The following CES3 variants were observed in gnomAD, a reference collection of about 807,000 sequenced individuals.
CES3 encodes the protein carboxylesterase 3 (brain).
In CES3, 49 loss-of-function variants were observed where a neutral mutation model predicts 57.6. The ratio of observed to expected loss-of-function variants is 0.85; its 90% CI spans 0.68 to 1.08. The LOEUF (loss-of-function observed/expected upper bound fraction) is 1.08, where lower values mean the gene tolerates loss of function less well. Ranked by LOEUF, CES3 falls within the 50% of genes least tolerant of loss-of-function variation. CES3 has a pLI of 0.00. For missense variants in CES3, 645 were observed against 742.0 expected (o/e 0.87, Z 1.52); for synonymous variants, 266 against 281.6 (o/e 0.94, Z 0.55).
chr16:66,973,063 C>A lies in CES3; in HGVS notation c.*14C>A. 1 of 1,608,622 alleles carries A rather than the reference C, an allele frequency of 6.2e-7. No individual in the cohort carries two copies. The highest frequency in any genetic ancestry group is 1.1e-5 in the South Asian group (1 of 90,936). On this transcript the variant is annotated 3_prime_UTR_variant, in exon 13 of 13. Transcript: ENST00000303334. Reference sequence around the variant, plus strand: ...GAGGACCTCTGAGGCCAGGCCTGAACCTTCTTGGCTGGGGCAAACCACTCT... The same window carrying A: ...GAGGACCTCTGAGGCCAGGCCTGAAACTTCTTGGCTGGGGCAAACCACTCT...
At position 66,963,374 on chromosome 16, in the gene CES3, C is replaced by T. The variant is rs763361117; in HGVS notation, c.278C>T (p.Ala93Val). 21 of 1,612,830 alleles carry T rather than the reference C, an allele frequency of 1.3e-5. No individual in the cohort carries two copies. The highest frequency in any genetic ancestry group is 5.5e-5 in the South Asian group (5 of 91,080). The change falls in exon 2 of 13, where the codon GCG becomes GTG. Residue 93 changes from alanine to valine, a missense_variant. Coordinates refer to ENST00000303334, the MANE Select transcript of CES3 (RefSeq NM_024922.6). This position sits in a 1 kb window ranked among gnomAD's most constrained non-coding sequence, Gnocchi z 4.9. ...PWEGVRDAST[A>V]PPMCLQDVES... is the part of the protein sequence containing the mutation. ...GAGGGTGTGCGGGATGCCAGCACTG[C>T]GCCCCCAATGTGAGTAGTGCTGGTG...
intron 8 of CES3, among the ~76,000 whole-genome samples, chr16:66,968,503 G>A (rs963154877): frequency 5.3e-5 from 8 of 152,292 alleles, no homozygotes; most frequent in African/African-American, 1.4e-4. Flanking sequence ...GGCTAATAGC[G>A]CAGTGAATGT....
chr16:66,971,463 T>C (rs927166861), intron 10 of CES3, 144 bp downstream of exon 10: 1 of 765,020 alleles, frequency 1.3e-6, no homozygotes, highest in Non-Finnish European at 2.1e-6. Context: ...AACCTATCTT[T>C]CTCTGGGATG....
chr16:66,963,337 G>T lies in CES3; in HGVS notation c.241G>T (p.Ala81Ser), dbSNP rs747987345. Residue 81 changes from alanine to serine, a missense_variant, in exon 2 of 13, where the codon GCA becomes TCA. Ala to Ser is a moderately conservative substitution (Grantham distance 99). Coordinates refer to ENST00000303334, the MANE Select transcript of CES3 (RefSeq NM_024922.6). The surrounding 1 kb of genome is among the most constrained non-coding windows in gnomAD (Gnocchi z 4.9). ...TGACCGGTTCTCAGCCCCACACCCAGCACAGCCCTGGGAGGGTGTGCGGGA... is the reference window on the plus strand; with the variant it reads ...TGACCGGTTCTCAGCCCCACACCCATCACAGCCCTGGGAGGGTGTGCGGGA... The part of the protein sequence containing the change: ...GPDRFSAPHP[A>S]QPWEGVRDAS... 1.9e-6 allele frequency: 3 copies of T among 1,613,532 alleles called. No homozygotes were observed. In the Admixed American group the frequency reaches 5.0e-5, roughly 27 times the overall value.
chr16:66,964,731 T>G lies in CES3; in HGVS notation c.819+4T>G, dbSNP rs1224190760. The G allele has an allele frequency of 6.2e-7, 1 of 1,611,486 alleles. No individual in the cohort carries two copies. The highest frequency in any genetic ancestry group is 8.5e-7 in the Non-Finnish European group (1 of 1,177,916). On this transcript the variant is annotated splice_donor_region_variant and intron_variant, in intron 6 of 12. Transcript: ENST00000303334. ...TCACCCTTGGCCCCTAGCTCAGGTC[T>G]GTATTTCCTTCCCTCTCTTACTCTA...
intron 12 of CES3, 36 bp from the exon 13 acceptor site, chr16:66,972,818 A>C (rs746883331): frequency 6.2e-7 from 1 of 1,613,938 alleles, no homozygotes; most frequent in Non-Finnish European, 8.5e-7. Context: ...GGGACAGCAC[A>C]GGAAGCCTTG....
At position 66,963,892 on chromosome 16, in the gene CES3, G is replaced by C. The variant is rs373273879; in HGVS notation, c.517G>C (p.Val173Leu). 58 of 1,614,060 alleles carry C rather than the reference G, an allele frequency of 3.6e-5. No homozygotes were observed. The highest frequency in any genetic ancestry group is 4.9e-5 in the Non-Finnish European group (58 of 1,180,010). Residue 173 changes from valine to leucine, a missense_variant, in exon 4 of 13, where the codon GTG becomes CTG. Coordinates refer to ENST00000303334, the MANE Select transcript of CES3 (RefSeq NM_024922.6). The surrounding 1 kb of genome is among the most constrained non-coding windows in gnomAD (Gnocchi z 4.9). ...SALAAYGDVV[V>L]VTVQYRLGVL... ...TCTGGCTGCCTATGGGGATGTGGTCGTGGTTACAGTCCAGTACCGCCTTGG... is the reference window on the plus strand; with the variant it reads ...TCTGGCTGCCTATGGGGATGTGGTCCTGGTTACAGTCCAGTACCGCCTTGG...
chr16:66,972,712 A>G lies in CES3; in HGVS notation c.1486A>G (p.Met496Val). Reference protein sequence around the residue: ...TEEEKQLSLTMMAQWTHFART... With the variant: ...TEEEKQLSLTVMAQWTHFART... ...GGAGGAGAAGCAGCTAAGCCTCACC[A>G]TGATGGCCCAGTGGACCCACTTTGC... The change falls in exon 12 of 13, where the codon ATG becomes GTG. Residue 496 changes from methionine (M) to valine (V), a missense_variant. Coordinates refer to ENST00000303334, the MANE Select transcript of CES3 (RefSeq NM_024922.6). 3 of 1,614,206 alleles carry G rather than the reference A, an allele frequency of 1.9e-6. No individual in the cohort carries two copies. The highest frequency in any genetic ancestry group is 2.5e-6 in the Non-Finnish European group (3 of 1,180,028).
Position 66,964,397 on chromosome 16 carries a change from GA to G in CES3, c.602del (p.Asp201ValfsTer3). ...EHAPGNQGFL[D>X]VVAALRWVQE... The stretch of plus-strand genomic sequence containing the variant: ...TGCACCTGGCAACCAGGGCTTCCTA[GA>G]TGTGGTAGCTGCTTTGCGCTGGGTG... On this transcript the variant is annotated frameshift_variant, in exon 5 of 13. Transcript: ENST00000303334. LOFTEE classifies it high-confidence loss of function. The G allele has an allele frequency of 1.2e-6, 2 of 1,614,136 alleles. No individual in the cohort carries two copies. Among genetic ancestry groups the G allele is most frequent in the Non-Finnish European group, 1.7e-6 (2 of 1,180,004 alleles).
chr16:66,967,770 TTTG>T, intron 8 of CES3: 1 of 985,154 alleles, frequency 1.0e-6, no homozygotes, highest in Non-Finnish European at 1.2e-6. Flanking sequence ...TGTGTGTTTG[TTTG>T]TTTTTTGAGA....
chr16:66,963,103 C>T lies in CES3; in HGVS notation c.83-76C>T, dbSNP rs1254762028. The T allele has an allele frequency of 6.8e-7, 1 of 1,464,644 alleles. No homozygotes were observed. The highest frequency in any genetic ancestry group is 2.3e-5 in the East Asian group (1 of 43,942). 90.7% of individuals were successfully genotyped at this position (1,464,644 alleles called of 1,614,324 possible). Reference sequence around the variant, plus strand: ...CTGTGTGGTAAGTACTGAGAACAGCCTGAGGGTTTGTCTTTCACTCCTTCC... The same window carrying T: ...CTGTGTGGTAAGTACTGAGAACAGCTTGAGGGTTTGTCTTTCACTCCTTCC... On this transcript the variant is annotated intron_variant, in intron 1 of 12. Transcript: ENST00000303334. The surrounding 1 kb of genome is among the most constrained non-coding windows in gnomAD (Gnocchi z 4.9).
intron 8 of CES3, 50 bp from the exon 9 acceptor site, chr16:66,969,629 G>C: frequency 1.3e-6 from 2 of 1,562,918 alleles, no homozygotes; most frequent in South Asian, 2.3e-5. Flanking sequence ...CTGGGAGTCG[G>C]GGTGAGCCGG....
rs764754482 is a variant in CES3 at position 66,963,786 on chromosome 16, A to C, written c.427-16A>C. 1.2e-6 allele frequency: 2 copies of C among 1,610,498 alleles called. No homozygotes were observed. Among genetic ancestry groups the C allele is most frequent in the Non-Finnish European group, 1.7e-6 (2 of 1,176,946 alleles). ...TCAGGAGCTTGGGGGTCAGTGCCCC[A>C]TGGCCACCTCTGCAGGTCATGGTAT... is the stretch of plus-strand genomic sequence containing the variant. On this transcript the variant is annotated splice_polypyrimidine_tract_variant and intron_variant, in intron 3 of 12. Coordinates refer to ENST00000303334, the MANE Select transcript of CES3 (RefSeq NM_024922.6). This position sits in a 1 kb window ranked among gnomAD's most constrained non-coding sequence, Gnocchi z 4.9.
In CES3 at chr16:66,963,855, C is replaced by T. The variant is rs768902439; in HGVS notation, c.480C>T (p.Tyr160=). The T allele has an allele frequency of 4.2e-5, 67 of 1,614,056 alleles. No homozygotes were observed. Among genetic ancestry groups the T allele is most frequent in the South Asian group, 1.9e-4 (17 of 91,092 alleles). ...TGATAACTGGCGCTGCCACCTCCTA[C>T]GATGGATCAGCTCTGGCTGCCTATG... ...GALITGAATS[Y]DGSALAAYGD... is the part of the protein sequence containing the mutation. Residue 160 remains tyrosine (Y), a synonymous_variant, in exon 4 of 13, where the codon TAC becomes TAT. Coordinates refer to ENST00000303334, the MANE Select transcript of CES3 (RefSeq NM_024922.6). The surrounding 1 kb of genome is among the most constrained non-coding windows in gnomAD (Gnocchi z 4.9).
rs776592005 is a variant in CES3 at position 66,966,325 on chromosome 16, C to G, written c.901C>G (p.Leu301Val). 15 of 1,613,786 alleles carry G rather than the reference C, an allele frequency of 9.3e-6. No homozygotes were observed. Among genetic ancestry groups the G allele is most frequent in the Admixed American group, 1.7e-5 (1 of 60,016 alleles). Residue 301 changes from leucine to valine, a missense_variant, in exon 7 of 13, where the codon CTG becomes GTG. Leu to Val is a conservative substitution (Grantham distance 32, BLOSUM62 1). Transcript: ENST00000303334. ...CCTTCAGCAGAAAGAAGGAGAAGAG[C>G]TGGTCCTTAGCAAGAAGCTGGTATG... Reference protein sequence around the residue: ...QCLQQKEGEELVLSKKLKNTI... With the variant: ...QCLQQKEGEEVVLSKKLKNTI...
At position 66,966,772 on chromosome 16, in the gene CES3, A is replaced by G; in HGVS notation, c.969A>G (p.Lys323=). 2.5e-6 allele frequency: 4 copies of G among 1,614,080 alleles called. No individual in the cohort carries two copies. The highest frequency in any genetic ancestry group is 3.4e-6 in the Non-Finnish European group (4 of 1,180,020). Residue 323 remains lysine, a synonymous_variant, in exon 8 of 13, where the codon AAA becomes AAG. Coordinates refer to ENST00000303334, the MANE Select transcript of CES3 (RefSeq NM_024922.6). ...PLTVDGTVFP[K]SPKELLKEKP... Reference sequence around the variant, plus strand: ...CCGTTGATGGCACTGTCTTCCCCAAAAGCCCCAAGGAACTCCTGAAGGAGA... The same window carrying G: ...CCGTTGATGGCACTGTCTTCCCCAAGAGCCCCAAGGAACTCCTGAAGGAGA...
chr16:66,972,796 C>T (rs780321664), intron 12 of CES3, 50 bp downstream of exon 12: 6 of 1,613,842 alleles, frequency 3.7e-6, no homozygotes, highest in East Asian at 2.2e-5. Flanking sequence ...ATGCTCAGGT[C>T]GGCCCCTCTG....
chr16:66,971,276 A>C lies in CES3; in HGVS notation c.1248A>C (p.Val416=). The C allele has an allele frequency of 6.2e-7, 1 of 1,614,150 alleles. No homozygotes were observed. Among genetic ancestry groups the C allele is most frequent in the Non-Finnish European group, 8.5e-7 (1 of 1,180,016 alleles). Residue 416 remains valine (V), a synonymous_variant, in exon 10 of 13, where the codon GTA becomes GTC. Transcript: ENST00000303334. ...CQAFQEFMGD[V]FINVPTVSFS... is the part of the protein sequence containing the mutation. ...CGTTCCAGGAATTCATGGGTGACGTATTCATCAATGTTCCCACCGTCAGTT... is the reference window on the plus strand; with the variant it reads ...CGTTCCAGGAATTCATGGGTGACGTCTTCATCAATGTTCCCACCGTCAGTT...
intron 10 of CES3, among the ~76,000 whole-genome samples, chr16:66,971,785 T>TAGAATCTAATCTATTAATTCTATTAATAC (rs1963838180): frequency 6.6e-6 from 1 of 152,140 alleles, no homozygotes; most frequent in Non-Finnish European, 1.5e-5. Context: ...GAAATAATAA[T>TAGAATCTAATCTATTAATTCTATTAATAC]AGAATCTAAT....
Sources: gnomAD v4.1 joint callset for allele counts (sites outside exome capture counted in the v4.1 genomes callset) on GRCh38, gnomAD v4.1.1 for gene constraint, Gnocchi (gnomAD v3.1) non-coding constraint, MANE v1.5 for transcripts, NCBI Gene and HGNC (gene_info 2026-07-23, HGNC 2026-07-21) for gene names.